APBA1: variants seen among roughly 807,000 people sequenced by gnomAD.
APBA1 encodes the protein amyloid beta precursor protein binding family A member 1, also known as amyloid-beta A4 precursor protein-binding family A member 1.
Under a neutral mutation model 86.6 loss-of-function variants are expected in APBA1, and 55 were observed. That is an observed-to-expected ratio of 0.64 (90% CI 0.51 to 0.80). APBA1 has a LOEUF of 0.80. Among genes scored for constraint, APBA1 ranks in the 30% least tolerant of loss-of-function variants. APBA1 has a pLI of 0.00. For missense variants in APBA1, 1,090 were observed against 1,183.0 expected (o/e 0.92, Z 1.15); for synonymous variants, 511 against 493.9 (o/e 1.03, Z -0.46).
chr9:69,656,114 A>C (rs547541164), intron 1 of APBA1, among the ~76,000 whole-genome samples: 2 of 152,374 alleles, frequency 1.3e-5, no homozygotes, highest in East Asian at 3.9e-4. Context: ...AACAAATGGT[A>C]GGAAACCAGG....
intron 1 of APBA1, among the ~76,000 whole-genome samples, chr9:69,593,526 G>C (rs1053128986): frequency 1.3e-5 from 2 of 152,228 alleles, no homozygotes; most frequent in East Asian, 1.9e-4. Flanking sequence ...GAGGGAGTGA[G>C]AGCTGAGGTT....
intron 1 of APBA1, among the ~76,000 whole-genome samples, chr9:69,599,673 A>C: frequency 6.6e-6 from 1 of 152,118 alleles, no homozygotes; most frequent in South Asian, 2.1e-4. Context: ...CAGTAGCACC[A>C]GCAGTACCCA....
In APBA1 at chr9:69,427,866, A is replaced by G. The variant is rs1050759948; in HGVS notation, c.*3461T>C. ...ACTATACTTCTCCCGACACTTTACA[A>G]TAAGCTCTATTTCACCCTCTTTACA... On this transcript the variant is annotated 3_prime_UTR_variant, in exon 13 of 13. Coordinates refer to ENST00000265381, the MANE Select transcript of APBA1 (RefSeq NM_001163.4). 2.6e-5 allele frequency: 4 copies of G among 152,212 alleles called. No homozygotes were observed. The highest frequency in any genetic ancestry group is 9.6e-5 in the African/African-American group (4 of 41,452). 9.4% of individuals were successfully genotyped at this position (152,212 alleles called of 1,614,324 possible). A position where few individuals can be genotyped will look rare whatever the true frequency, so the allele number is the denominator to read the frequency against.
rs1834556557 is a variant in APBA1, at chr9:69,429,791, A to G, written c.*1536T>C. ...CATAGACACAACATAAATATCTCGGATGCAGAGAACAGGGACTATATTAAT... is the reference window on the plus strand; with the variant it reads ...CATAGACACAACATAAATATCTCGGGTGCAGAGAACAGGGACTATATTAAT... On this transcript the variant is annotated 3_prime_UTR_variant, in exon 13 of 13. Coordinates refer to ENST00000265381, the MANE Select transcript of APBA1 (RefSeq NM_001163.4). 6.6e-6 allele frequency: 1 copy of G among 151,690 alleles called. No individual in the cohort carries two copies. Among genetic ancestry groups the G allele is most frequent in the Admixed American group, 6.6e-5 (1 of 15,176 alleles). The allele number at this position is 151,690 out of a possible 1,614,324, so 9.4% of individuals were successfully genotyped here.
At chr9:69,464,828 G>C (rs1484957821) in intron 5 of APBA1, 1 of 152,174 alleles carries the variant, frequency 6.6e-6, no homozygotes, top group Admixed American at 6.5e-5. Flanking sequence ...CTACCTAAGT[G>C]CCATAAGGGG....
At chr9:69,482,307 G>C (rs1835525612) in intron 2 of APBA1, among the ~76,000 whole-genome samples, 1 of 151,994 alleles carries the variant, frequency 6.6e-6, no homozygotes, top group South Asian at 2.1e-4. Flanking sequence ...CAAAAAGTGG[G>C]CAAAGGACAT....
intron 1 of APBA1, among the ~76,000 whole-genome samples, chr9:69,597,419 G>A (rs574367874): frequency 6.6e-6 from 1 of 152,260 alleles, no homozygotes; most frequent in Non-Finnish European, 1.5e-5. Flanking sequence ...TTAGCCCTTT[G>A]TCAGATGGGT....
At chr9:69,581,677 C>T (rs1369238108) in intron 1 of APBA1, among the ~76,000 whole-genome samples, 15 of 152,200 alleles carry the variant, frequency 9.9e-5, no homozygotes, top group East Asian at 1.9e-4. Flanking sequence ...ACTGACAATG[C>T]CCTAGGGAAT....
At chr9:69,617,026 T>C (rs1822714318) in intron 1 of APBA1, among the ~76,000 whole-genome samples, 1 of 152,052 alleles carries the variant, frequency 6.6e-6, no homozygotes, top group Non-Finnish European at 1.5e-5. Context: ...CATTGTAACC[T>C]TACACACACA....
chr9:69,542,441 T>C (rs1836628950), intron 1 of APBA1, among the ~76,000 whole-genome samples: 1 of 152,270 alleles, frequency 6.6e-6, no homozygotes, highest in South Asian at 2.1e-4. Context: ...CATGTCTTTC[T>C]CTGCCTTGAG....
At chr9:69,501,650 ACACACACACAC>A (rs1835881798) in intron 2 of APBA1, among the ~76,000 whole-genome samples, 1 of 150,548 alleles carries the variant, frequency 6.6e-6, no homozygotes, top group Admixed American at 6.6e-5. Context: ...ACACACACAC[ACACACACACAC>A]ACACACACAC....
intron 1 of APBA1, among the ~76,000 whole-genome samples, chr9:69,538,026 C>T (rs1836540664): frequency 6.7e-6 from 1 of 149,548 alleles, no homozygotes; most frequent in Non-Finnish European, 1.5e-5. Flanking sequence ...ATGGAAAATC[C>T]TACAAAAGCC....
chr9:69,550,811 G>A (rs1836772202), intron 1 of APBA1, among the ~76,000 whole-genome samples: 3 of 152,152 alleles, frequency 2.0e-5, no homozygotes, highest in Non-Finnish European at 2.9e-5. Context: ...TGAACAGCAA[G>A]TTCTAAAGTC....
In APBA1 at chr9:69,604,635, T is replaced by C. The variant is rs1418073602; in HGVS notation, c.-70+67518A>G. Among the ~76,000 whole-genome samples, 12 of 128,092 alleles carry C rather than the reference T, an allele frequency of 9.4e-5. No homozygotes were observed. In the Admixed American group the frequency reaches 9.9e-4, roughly 11 times the overall value. 84.0% of individuals were successfully genotyped at this position (128,092 alleles called of 152,430 possible). On this transcript the variant is annotated intron_variant, in intron 1 of 12. Coordinates refer to ENST00000265381, the MANE Select transcript of APBA1 (RefSeq NM_001163.4). ...GAGGGTAAGTGGAGAGGCACATGAGTGCGGGCACACATGCACACATGAGGG... is the reference window on the plus strand; with the variant it reads ...GAGGGTAAGTGGAGAGGCACATGAGCGCGGGCACACATGCACACATGAGGG...
intron 10 of APBA1, among the ~76,000 whole-genome samples, chr9:69,445,170 A>G (rs1834887263): frequency 6.6e-6 from 1 of 152,248 alleles, no homozygotes; most frequent in East Asian, 1.9e-4. Flanking sequence ...TAAAAAATTC[A>G]TATTGCTCTG....
chr9:69,526,880 T>C (rs1039119735), intron 1 of APBA1, among the ~76,000 whole-genome samples: 13 of 152,076 alleles, frequency 8.5e-5, no homozygotes, highest in Admixed American at 8.5e-4. Context: ...CCATACACCA[T>C]GGAATACTAT....
chr9:69,520,463 A>G (rs1302043680), intron 1 of APBA1, among the ~76,000 whole-genome samples: 2 of 152,206 alleles, frequency 1.3e-5, no homozygotes, highest in Non-Finnish European at 2.9e-5. Flanking sequence ...TGTTTCTCAC[A>G]GTATTTTCTT....
chr9:69,637,358 A>G (rs1354497229), intron 1 of APBA1, among the ~76,000 whole-genome samples: 1 of 152,194 alleles, frequency 6.6e-6, no homozygotes, highest in East Asian at 1.9e-4. Flanking sequence ...TTAAAGTAAC[A>G]AAGACACTAT....
At chr9:69,459,526 C>T (rs1835155996) in intron 5 of APBA1, among the ~76,000 whole-genome samples, 1 of 152,184 alleles carries the variant, frequency 6.6e-6, no homozygotes, top group African/African-American at 2.4e-5. Flanking sequence ...ATTGTTCTCC[C>T]TTTTTATCTC....
Sources: gnomAD v4.1 joint callset for allele counts (sites outside exome capture counted in the v4.1 genomes callset) on GRCh38, gnomAD v4.1.1 for gene constraint, MANE v1.5 for transcripts, NCBI Gene and HGNC (gene_info 2026-07-23, HGNC 2026-07-21) for gene names.